The following DAAM1 variants were observed in gnomAD, a reference collection of about 807,000 sequenced individuals.
The protein encoded by DAAM1 is disheveled-associated activator of morphogenesis 1.
DAAM1 carries 52 observed loss-of-function variants against 130.0 expected under a neutral mutation model. The ratio of observed to expected loss-of-function variants is 0.40; its 90% CI spans 0.32 to 0.50. DAAM1 has a LOEUF of 0.50. Among genes scored for constraint, DAAM1 ranks in the 20% least tolerant of loss-of-function variants. The pLI is 0.61. For synonymous variants in DAAM1, 452 were observed against 444.5 expected, an observed-to-expected ratio of 1.02 and a Z score of -0.21; for missense variants, 1,134 against 1,303.8, an observed-to-expected ratio of 0.87 and a Z score of 2.01.
At chr14:59,190,467 A>G (rs1887699199) in intron 1 of DAAM1, among the ~76,000 whole-genome samples, 1 of 152,208 alleles carries the variant, frequency 6.6e-6, no homozygotes, top group Non-Finnish European at 1.5e-5. Context: ...GTCACCAGCA[A>G]AGGCCCTCAA....
intron 3 of DAAM1, among the ~76,000 whole-genome samples, chr14:59,291,819 C>T (rs1883751698): frequency 6.6e-6 from 1 of 152,188 alleles, no homozygotes; most frequent in Non-Finnish European, 1.5e-5. Context: ...CCTGGAGTTA[C>T]ATGGCTGACT....
intron 1 of DAAM1, among the ~76,000 whole-genome samples, chr14:59,242,590 G>A (rs1041498634): frequency 1.3e-5 from 2 of 152,056 alleles, no homozygotes; most frequent in African/African-American, 2.4e-5. Flanking sequence ...ACAGAGTCTC[G>A]CTCTATCCCC....
At chr14:59,226,475 A>G (rs1221302584) in intron 1 of DAAM1, among the ~76,000 whole-genome samples, 1 of 152,188 alleles carries the variant, frequency 6.6e-6, no homozygotes, top group Non-Finnish European at 1.5e-5. Context: ...TTAGGGTTCC[A>G]GGAAGAAAGT....
intron 12 of DAAM1, among the ~76,000 whole-genome samples, chr14:59,329,658 T>C (rs1885343698): frequency 6.6e-6 from 1 of 152,222 alleles, no homozygotes; most frequent in Non-Finnish European, 1.5e-5. Flanking sequence ...GCCTAAACTT[T>C]GTTAGTTCTC....
chr14:59,271,741 T>G (rs1440938153), intron 2 of DAAM1, among the ~76,000 whole-genome samples: 1 of 152,204 alleles, frequency 6.6e-6, no homozygotes, highest in Non-Finnish European at 1.5e-5. Context: ...TAATTTCTCT[T>G]ATGACCGAGG....
rs183632391 is a variant in DAAM1, at chr14:59,310,352, C to T, written c.274-4928C>T. On this transcript the variant is annotated intron_variant, in intron 3 of 24. Coordinates refer to ENST00000360909, the MANE Select transcript of DAAM1 (RefSeq NM_001270520.2). ...TTCACCATATTGGCCAGGCTGGTAT[C>T]GAACTCCCAGCCTCAAGTGATCCAC... Among the ~76,000 whole-genome samples, 89 of 152,082 alleles carry T rather than the reference C, an allele frequency of 5.9e-4. 2 individuals are homozygous for T. The East Asian group carries it at 0.016, about 28-fold the overall frequency.
chr14:59,204,835 C>G (rs1888212435), intron 1 of DAAM1, among the ~76,000 whole-genome samples: 1 of 152,130 alleles, frequency 6.6e-6, no homozygotes, highest in African/African-American at 2.4e-5. Flanking sequence ...AGTTCGAGAC[C>G]AGCCTGGCCA....
At chr14:59,246,719 TG>T (rs1398286856) in intron 1 of DAAM1, among the ~76,000 whole-genome samples, 2 of 152,208 alleles carry the variant, frequency 1.3e-5, no homozygotes, top group African/African-American at 4.8e-5. Flanking sequence ...TGTTATTTTC[TG>T]GTTTTTTGTT....
intron 2 of DAAM1, among the ~76,000 whole-genome samples, chr14:59,284,111 A>C (rs763949238): frequency 6.6e-6 from 1 of 152,128 alleles, no homozygotes; most frequent in African/African-American, 2.4e-5. Flanking sequence ...ATGCTTGCTC[A>C]TGTTTGAGAA....
intron 18 of DAAM1, 61 bp downstream of exon 18, chr14:59,352,693 T>G: frequency 1.4e-6 from 2 of 1,425,070 alleles, no homozygotes; most frequent in Non-Finnish European, 9.7e-7. Context: ...TTCATGAATT[T>G]TCAATTCATG....
chr14:59,319,595 A>G (rs1372833696), intron 4 of DAAM1, among the ~76,000 whole-genome samples: 1 of 152,216 alleles, frequency 6.6e-6, no homozygotes, highest in African/African-American at 2.4e-5. Context: ...GGATGAAGAA[A>G]AGGGACCAGG....
chr14:59,232,556 CCATGTAGTATGTCTCTA>C lies in DAAM1; in HGVS notation c.-37-30882_-37-30866del, dbSNP rs1161805319. 7.9e-5 allele frequency among the ~76,000 whole-genome samples: 12 copies of C among 152,056 alleles called. No individual in the cohort carries two copies. In the South Asian group the frequency reaches 1.5e-3, roughly 18 times the overall value. Reference sequence around the variant, plus strand: ...GTTTAGTTTGGAATGATAAAATAAGCCATGTAGTATGTCTCTACAGGTTTCAGAGGAATATATTGCAT... The same window carrying C: ...GTTTAGTTTGGAATGATAAAATAAGCCAGGTTTCAGAGGAATATATTGCAT... On this transcript the variant is annotated intron_variant, in intron 1 of 24. Coordinates refer to ENST00000360909, the MANE Select transcript of DAAM1 (RefSeq NM_001270520.2).
At chr14:59,196,286 A>G (rs1457000323) in intron 1 of DAAM1, among the ~76,000 whole-genome samples, 2 of 152,186 alleles carry the variant, frequency 1.3e-5, no homozygotes, top group Non-Finnish European at 2.9e-5. Context: ...ACCAGATGAG[A>G]TAGATTGTTC....
chr14:59,316,241 C>T (rs60204120), intron 4 of DAAM1, among the ~76,000 whole-genome samples: 17,536 of 152,040 alleles, frequency 0.12, 1,152 homozygotes, highest in Admixed American at 0.21. Context: ...CTTTCTTCTA[C>T]CTCCTTCCTG....
intron 3 of DAAM1, among the ~76,000 whole-genome samples, chr14:59,308,263 T>C (rs770993281): frequency 7.2e-5 from 11 of 152,212 alleles, no homozygotes; most frequent in Non-Finnish European, 1.3e-4. Flanking sequence ...GATGAACTTA[T>C]AGAAAATTTG....
chr14:59,230,763 GGGGAGGGGT>G (rs1287332599), intron 1 of DAAM1, among the ~76,000 whole-genome samples: 2 of 151,796 alleles, frequency 1.3e-5, no homozygotes, highest in Non-Finnish European at 2.9e-5. Flanking sequence ...AAATGCTTGA[GGGGAGGGGT>G]GGGAGGGGTA....
chr14:59,217,661 A>G (rs1268296942), intron 1 of DAAM1, among the ~76,000 whole-genome samples: 2 of 151,732 alleles, frequency 1.3e-5, no homozygotes, highest in African/African-American at 2.4e-5. Flanking sequence ...AAATAGTGAG[A>G]CCCTGTCGCT....
At chr14:59,226,733 G>A (rs1449447160) in intron 1 of DAAM1, among the ~76,000 whole-genome samples, 1 of 152,180 alleles carries the variant, frequency 6.6e-6, no homozygotes, top group Non-Finnish European at 1.5e-5. Flanking sequence ...TTTTGCTGAA[G>A]TAGAAGTTTA....
chr14:59,355,195 G>A lies in DAAM1; in HGVS notation c.2387G>A (p.Arg796Lys). ...CGTTCTGGCTCAGAAGAGGTGTTTA[G>A]GAGTGGTGCCCTCAAGCAGTTGCTG... Reference protein sequence around the residue: ...AIRSGSEEVFRSGALKQLLEV... With the variant: ...AIRSGSEEVFKSGALKQLLEV... The change falls in exon 20 of 25, where the codon AGG (arginine) becomes AAG (lysine). Residue 796 changes from arginine to lysine, a missense_variant. Around this residue, in one of 3 missense-constraint regions of DAAM1, gnomAD observed 644 missense variants for 695.9 expected, o/e 0.93. Transcript: ENST00000360909. 6.2e-7 allele frequency: 1 copy of A among 1,614,112 alleles called. No homozygotes were observed. The highest frequency in any genetic ancestry group is 8.5e-7 in the Non-Finnish European group (1 of 1,179,990).
Sources: gnomAD v4.1 joint callset for allele counts (sites outside exome capture counted in the v4.1 genomes callset) on GRCh38, gnomAD v4.1.1 for gene constraint, gnomAD v4.1.1 regional missense constraint, MANE v1.5 for transcripts, NCBI Gene and HGNC (gene_info 2026-07-23, HGNC 2026-07-21) for gene names.